Variants in ATP1A1 observed in about 807,000 individuals in gnomAD.
The protein encoded by ATP1A1 is sodium/potassium-transporting ATPase subunit alpha-1.
ATP1A1 carries 14 observed loss-of-function variants against 114.8 expected under a neutral mutation model. The observed-to-expected ratio is 0.12, with a 90% confidence interval of 0.08 to 0.19. The LOEUF is 0.19. ATP1A1 is among the 10% of genes least tolerant of loss of function. ATP1A1 has a pLI of 1.00. For synonymous variants in ATP1A1, 471 were observed against 466.3 expected (o/e 1.01, Z -0.13); for missense variants, 524 against 1,290.7 (o/e 0.41, Z 9.10).
rs758242786 is a variant in ATP1A1, at chr1:116,383,994, T to C, written c.13-20T>C. ...GAGGTTCATAATTCATGGCCTCACT[T>C]TTCCCACATTCTCCTACAGGTTGGA... On this transcript the variant is annotated intron_variant, in intron 1 of 22. Transcript: ENST00000295598. The C allele has an allele frequency of 6.2e-7, 1 of 1,603,784 alleles. No individual in the cohort carries two copies.
chr1:116,393,732 A>G lies in ATP1A1; in HGVS notation c.1660+9A>G. On this transcript the variant is annotated intron_variant, in intron 12 of 22. Transcript: ENST00000295598. The surrounding 1 kb of genome is among the most constrained non-coding windows in gnomAD (Gnocchi z 5.0). ...CGGAGAACGAGTCCTAGGTATGCAG[A>G]TAACCTGGTAACAGAGTGCCTGGGC... 7 of 1,610,970 alleles carry G rather than the reference A, an allele frequency of 4.3e-6. No homozygotes were observed. The highest frequency in any genetic ancestry group is 5.9e-6 in the Non-Finnish European group (7 of 1,179,066).
intron 1 of ATP1A1, among the ~76,000 whole-genome samples, chr1:116,380,550 T>C (rs1269446593): frequency 6.6e-6 from 1 of 152,202 alleles, no homozygotes; most frequent in East Asian, 1.9e-4. Flanking sequence ...TTTCTAAATC[T>C]GTCATATCTA....
chr1:116,394,158 A>G (rs560627560), intron 12 of ATP1A1, among the ~76,000 whole-genome samples: 2 of 152,210 alleles, frequency 1.3e-5, no homozygotes, highest in Middle Eastern at 3.2e-3. Flanking sequence ...GTGAATTTAC[A>G]TGAGCACTTA....
intron 1 of ATP1A1, among the ~76,000 whole-genome samples, chr1:116,375,653 CTTGTGTGTGTGT>C (rs912216869): frequency 4.6e-5 from 7 of 152,140 alleles, no homozygotes; most frequent in Non-Finnish European, 7.4e-5. Context: ...CATTAGTTTA[CTTGTGTGTGTGT>C]TTGTGTGTGT....
chr1:116,391,215 A>G (rs1483028482), intron 10 of ATP1A1, among the ~76,000 whole-genome samples: 1 of 152,170 alleles, frequency 6.6e-6, no homozygotes, highest in Admixed American at 6.5e-5. Context: ...TCTTGAGTTT[A>G]TATGTTATCA....
Position 116,387,463 on chromosome 1 carries a change from C to T in ATP1A1, c.359C>T (p.Ala120Val). The T allele has an allele frequency of 6.2e-7, 1 of 1,614,212 alleles. No individual in the cohort carries two copies. The highest frequency in any genetic ancestry group is 8.5e-7 in the Non-Finnish European group (1 of 1,180,042). The change falls in exon 4 of 23, where the codon GCT (alanine) becomes GTT (valine). Residue 120 changes from alanine to valine, a missense_variant. By Grantham distance (64) the Ala-to-Val change is moderately conservative. This residue lies in a region of ATP1A1 where 141 missense variants were observed against 316.6 expected (regional missense o/e 0.45). Coordinates refer to ENST00000295598, the MANE Select transcript of ATP1A1 (RefSeq NM_000701.8). The surrounding 1 kb of genome is among the most constrained non-coding windows in gnomAD (Gnocchi z 6.7). ...LCFLAYSIQA[A>V]TEEEPQNDNL... The stretch of plus-strand genomic sequence containing the variant: ...TTCTTGGCTTATAGCATCCAAGCTG[C>T]TACAGAAGAGGAACCTCAAAACGAT...
chr1:116,388,018 T>C lies in ATP1A1; in HGVS notation c.388-113T>C. 1 of 701,704 alleles carries C rather than the reference T, an allele frequency of 1.4e-6. No individual in the cohort carries two copies. The highest frequency in any genetic ancestry group is 1.9e-5 in the South Asian group (1 of 53,518). 43.5% of individuals were successfully genotyped at this position (701,704 alleles called of 1,614,324 possible). The stretch of plus-strand genomic sequence containing the variant: ...TAAGAAAACATGAGTTCTATATTTC[T>C]GAAATCTTGGTTTCTCTATTAAAAA... On this transcript the variant is annotated intron_variant, in intron 4 of 22. Coordinates refer to ENST00000295598, the MANE Select transcript of ATP1A1 (RefSeq NM_000701.8). The surrounding 1 kb of genome is among the most constrained non-coding windows in gnomAD (Gnocchi z 5.6).
chr1:116,381,038 G>A lies in ATP1A1; in HGVS notation c.13-2976G>A, dbSNP rs991350407. ...TTCCTCAGAGATGCTCAAAGGGGCG[G>A]GGGTGCCCTTACATGGAACATGATG... is the stretch of plus-strand genomic sequence containing the variant. On this transcript the variant is annotated intron_variant, in intron 1 of 22. Transcript: ENST00000295598. The surrounding 1 kb of genome is among the most constrained non-coding windows in gnomAD (Gnocchi z 5.1). Among the ~76,000 whole-genome samples the A allele has an allele frequency of 6.6e-6, 1 of 152,172 alleles. No homozygotes were observed. The highest frequency in any genetic ancestry group is 2.4e-5 in the African/African-American group (1 of 41,446).
Position 116,397,842 on chromosome 1 carries a change from G to A in ATP1A1, c.1974-46G>A. On this transcript the variant is annotated intron_variant, in intron 14 of 22. Coordinates refer to ENST00000295598, the MANE Select transcript of ATP1A1 (RefSeq NM_000701.8). This position sits in a 1 kb window ranked among gnomAD's most constrained non-coding sequence, Gnocchi z 4.2. Reference sequence around the variant, plus strand: ...CCTCTTGAGGTGATGGACACATGCTGGTGATGTGATGCGTGACTTTTTTTT... The same window carrying A: ...CCTCTTGAGGTGATGGACACATGCTAGTGATGTGATGCGTGACTTTTTTTT... The A allele has an allele frequency of 6.3e-7, 1 of 1,589,428 alleles. No individual in the cohort carries two copies.
rs114847026 is a variant in ATP1A1, at chr1:116,397,350, C to T, written c.1974-538C>T. Among the ~76,000 whole-genome samples the T allele has an allele frequency of 1.9e-3, 293 of 152,212 alleles. 1 individual carries two copies. Among genetic ancestry groups the T allele is most frequent in the African/African-American group, 6.8e-3 (282 of 41,520 alleles). On this transcript the variant is annotated intron_variant, in intron 14 of 22. Coordinates refer to ENST00000295598, the MANE Select transcript of ATP1A1 (RefSeq NM_000701.8). This position sits in a 1 kb window ranked among gnomAD's most constrained non-coding sequence, Gnocchi z 4.2. ...TTTCTTTTTTTCTTTGATGGAGTCT[C>T]GCTCTGTCATCCCGGTTGGAGTGCA...
At chr1:116,391,069 A>T (rs1652434287) in intron 10 of ATP1A1, among the ~76,000 whole-genome samples, 178 bp downstream of exon 10, 1 of 152,194 alleles carries the variant, frequency 6.6e-6, no homozygotes. Context: ...GTAGATCCTG[A>T]TGTATTATAG....
intron 1 of ATP1A1, among the ~76,000 whole-genome samples, chr1:116,378,630 C>G (rs975844313): frequency 2.6e-5 from 4 of 152,130 alleles, no homozygotes; most frequent in African/African-American, 9.7e-5. Context: ...CCACATGATG[C>G]TTCCATGGCA....
chr1:116,379,757 A>C (rs925316266), intron 1 of ATP1A1, among the ~76,000 whole-genome samples: 2 of 152,228 alleles, frequency 1.3e-5, no homozygotes, highest in African/African-American at 4.8e-5. Context: ...ATACTTTTAC[A>C]TACACAATTG....
chr1:116,377,791 G>T (rs965436115), intron 1 of ATP1A1, among the ~76,000 whole-genome samples: 7 of 152,180 alleles, frequency 4.6e-5, no homozygotes, highest in African/African-American at 1.4e-4. Flanking sequence ...AATCAGAGTG[G>T]CTGGGTTTGG....
chr1:116,396,815 TG>T (rs1652968586), intron 14 of ATP1A1, 81 bp downstream of exon 14: 1 of 1,453,436 alleles, frequency 6.9e-7, no homozygotes, highest in Non-Finnish European at 9.1e-7. Flanking sequence ...GGTTCTATAA[TG>T]GTTTGCATCT....
In ATP1A1 at chr1:116,388,642, C is replaced by G; in HGVS notation, c.506C>G (p.Ala169Gly). ...TAAATTGTTTCTTTTCCAAAGCAAG[C>G]CCTTGTGATTCGAAATGGTGAGAAA... ...ESFKNMVPQQ[A>G]LVIRNGEKMS... The change falls in exon 6 of 23, where the codon GCC becomes GGC. Residue 169 changes from alanine (A) to glycine (G), a missense_variant. By Grantham distance (60) the Ala-to-Gly change is moderately conservative (BLOSUM62 0). Transcript: ENST00000295598. This position sits in a 1 kb window ranked among gnomAD's most constrained non-coding sequence, Gnocchi z 5.6. The G allele has an allele frequency of 6.2e-7, 1 of 1,613,992 alleles. No individual in the cohort carries two copies. Among genetic ancestry groups the G allele is most frequent in the Non-Finnish European group, 8.5e-7 (1 of 1,179,976 alleles).
chr1:116,392,772 CTTGAG>C (rs1272012510), intron 10 of ATP1A1, 77 bp from the exon 11 acceptor site: 2 of 1,516,792 alleles, frequency 1.3e-6, no homozygotes, highest in African/African-American at 2.8e-5. Context: ...TGGAATGTGT[CTTGAG>C]TTATTTTTCC....
Position 116,399,471 on chromosome 1 carries a change from A to C in ATP1A1, c.2500A>C (p.Arg834=), listed in dbSNP as rs1570976604. 6.2e-7 allele frequency: 1 copy of C among 1,614,148 alleles called. No individual in the cohort carries two copies. The highest frequency in any genetic ancestry group is 1.3e-5 in the African/African-American group (1 of 75,020). ...YEQAESDIMK[R]QPRNPKTDKL... is the part of the protein sequence containing the mutation. ...GCAGGCTGAGAGTGACATCATGAAG[A>C]GACAGCCCAGAAATCCCAAAACAGA... Residue 834 remains arginine (R), a synonymous_variant, in exon 18 of 23, where the codon AGA becomes CGA. Transcript: ENST00000295598. The surrounding 1 kb of genome is among the most constrained non-coding windows in gnomAD (Gnocchi z 5.0).
rs1383402974 is a variant in ATP1A1, at chr1:116,401,757, G to T, written c.2951+102G>T. The T allele has an allele frequency of 1.6e-5, 20 of 1,216,680 alleles. No individual in the cohort carries two copies. In the East Asian group the frequency reaches 4.4e-4, roughly 27 times the overall value. 75.4% of individuals were successfully genotyped at this position (1,216,680 alleles called of 1,614,324 possible). ...GTTGTTATTTTCAGAATTTTGAGTG[G>T]TATGTACAAAAATTCCTATGGGTTG... On this transcript the variant is annotated intron_variant, in intron 21 of 22. Transcript: ENST00000295598. The surrounding 1 kb of genome is among the most constrained non-coding windows in gnomAD (Gnocchi z 4.7).
Sources: allele counts gnomAD v4.1 joint callset (sites outside exome capture counted in the v4.1 genomes callset), GRCh38; gene constraint gnomAD v4.1.1; regional missense constraint gnomAD v4.1.1; non-coding constraint Gnocchi (gnomAD v3.1); transcripts MANE v1.5; gene names NCBI Gene and HGNC (gene_info 2026-07-23, HGNC 2026-07-21).